The following CNTNAP2 variants were observed in gnomAD, a reference collection of about 807,000 sequenced individuals.
CNTNAP2 encodes contactin associated protein 2.
Under a neutral mutation model 155.2 loss-of-function variants are expected in CNTNAP2, and 98 were observed. That is an observed-to-expected ratio of 0.63 (90% confidence interval 0.54 to 0.75). The LOEUF (loss-of-function observed/expected upper bound fraction) is 0.75. Among genes scored for constraint, CNTNAP2 ranks in the 30% least tolerant of loss-of-function variants. The probability of loss-of-function intolerance (pLI) is 0.00; values close to 1 mark genes in which losing one functional copy is unlikely to be tolerated. For synonymous variants in CNTNAP2, 651 were observed against 631.2 expected (o/e 1.03, Z -0.47); for missense variants, 1,727 against 1,688.1 (o/e 1.02, Z -0.40).
chr7:148,412,336 A>G (rs543864949), intron 23 of CNTNAP2, among the ~76,000 whole-genome samples: 9 of 152,382 alleles, frequency 5.9e-5, no homozygotes, highest in East Asian at 1.9e-4. Flanking sequence ...GCACTTTGAG[A>G]GGCCAAGACA....
intron 23 of CNTNAP2, among the ~76,000 whole-genome samples, chr7:148,411,071 C>T (rs1242842153): frequency 6.6e-6 from 1 of 152,022 alleles, no homozygotes; most frequent in Non-Finnish European, 1.5e-5. Context: ...TAAAATATTC[C>T]AGTGTTTTCT....
At chr7:147,339,415 T>C (rs1463437262) in intron 9 of CNTNAP2, among the ~76,000 whole-genome samples, 1 of 152,120 alleles carries the variant, frequency 6.6e-6, no homozygotes, top group Non-Finnish European at 1.5e-5. Context: ...TCTTTGTGTA[T>C]GTCAGCTCCT....
At chr7:147,698,722 A>G (rs1381683744) in intron 13 of CNTNAP2, among the ~76,000 whole-genome samples, 1 of 152,116 alleles carries the variant, frequency 6.6e-6, no homozygotes, top group African/African-American at 2.4e-5. Context: ...CACCACACTC[A>G]GCTAATTTTT....
At chr7:147,132,622 C>A in intron 8 of CNTNAP2, 113 bp downstream of exon 8, 1 of 1,391,680 alleles carries the variant, frequency 7.2e-7, no homozygotes. Context: ...GGTTTTAATT[C>A]AGATCTTCAA....
chr7:147,161,830 G>A (rs575301242), intron 8 of CNTNAP2: 1 of 152,254 alleles, frequency 6.6e-6, no homozygotes, highest in Non-Finnish European at 1.5e-5. Context: ...TATGTGATGA[G>A]CATTCATTCC....
chr7:147,679,300 T>G (rs1336345638), intron 13 of CNTNAP2, among the ~76,000 whole-genome samples: 5 of 151,906 alleles, frequency 3.3e-5, no homozygotes, highest in Non-Finnish European at 7.4e-5. Context: ...GAACATCCAT[T>G]TCTATAATAT....
intron 21 of CNTNAP2, among the ~76,000 whole-genome samples, chr7:148,347,214 AC>A (rs1345952577): frequency 6.6e-6 from 1 of 151,650 alleles, no homozygotes; most frequent in Non-Finnish European, 1.5e-5. Context: ...CTGAGATTGC[AC>A]CACTACACTT....
At chr7:146,753,969 A>G (rs1401462633) in intron 1 of CNTNAP2, among the ~76,000 whole-genome samples, 2 of 152,020 alleles carry the variant, frequency 1.3e-5, no homozygotes, top group Admixed American at 6.6e-5. Context: ...AATCCCAGCT[A>G]TTTCTACATC....
At chr7:146,717,197 A>G (rs1801203989) in intron 1 of CNTNAP2, among the ~76,000 whole-genome samples, 1 of 152,148 alleles carries the variant, frequency 6.6e-6, no homozygotes, top group Non-Finnish European at 1.5e-5. Context: ...AAAGATGCAG[A>G]GAGCTGTTTG....
At chr7:147,652,691 A>G (rs1795465707) in intron 13 of CNTNAP2, among the ~76,000 whole-genome samples, 2 of 151,928 alleles carry the variant, frequency 1.3e-5, no homozygotes, top group Non-Finnish European at 2.9e-5. Flanking sequence ...GACTCTATAT[A>G]TTTTCTACCT....
At chr7:148,059,934 G>T (rs575648286) in intron 15 of CNTNAP2, among the ~76,000 whole-genome samples, 1 of 152,070 alleles carries the variant, frequency 6.6e-6, no homozygotes, top group African/African-American at 2.4e-5. Context: ...GTAAGGTAAG[G>T]TTCTACATAA....
At chr7:147,235,659 A>T (rs1803784873) in intron 8 of CNTNAP2, among the ~76,000 whole-genome samples, 1 of 152,126 alleles carries the variant, frequency 6.6e-6, no homozygotes, top group African/African-American at 2.4e-5. Context: ...ACTGAAGCCC[A>T]CATTGTTCCA....
chr7:147,480,050 T>C (rs1798394607), intron 10 of CNTNAP2, among the ~76,000 whole-genome samples: 1 of 152,154 alleles, frequency 6.6e-6, no homozygotes, highest in South Asian at 2.1e-4. Context: ...TACTCAAATA[T>C]TGTTGAGATC....
chr7:147,304,754 A>G (rs1225804277), intron 9 of CNTNAP2, among the ~76,000 whole-genome samples: 1 of 152,222 alleles, frequency 6.6e-6, no homozygotes, highest in Non-Finnish European at 1.5e-5. Context: ...CCAGCTCACC[A>G]GTACATAACT....
At chr7:146,561,531 C>A (rs1229274044) in intron 1 of CNTNAP2, among the ~76,000 whole-genome samples, 3 of 152,080 alleles carry the variant, frequency 2.0e-5, no homozygotes, top group Non-Finnish European at 4.4e-5. Flanking sequence ...TGGTGGCACA[C>A]ACCTATAGTC....
At chr7:146,856,596 G>C (rs996828848) in intron 3 of CNTNAP2, among the ~76,000 whole-genome samples, 2 of 152,106 alleles carry the variant, frequency 1.3e-5, no homozygotes. Context: ...CTTATTAGTT[G>C]CAAGGGAAAT....
chr7:147,317,225 G>A (rs1446010198), intron 9 of CNTNAP2, among the ~76,000 whole-genome samples: 2 of 152,258 alleles, frequency 1.3e-5, no homozygotes, highest in Non-Finnish European at 2.9e-5. Context: ...ATCCACTGAC[G>A]GTTTCAGTCC....
intron 9 of CNTNAP2, among the ~76,000 whole-genome samples, chr7:147,374,824 C>T (rs535411453): frequency 2.0e-5 from 3 of 152,088 alleles, no homozygotes; most frequent in Admixed American, 1.3e-4. Context: ...TAGCAGTGAG[C>T]GTTACTGGGT....
chr7:146,903,304 C>A (rs1796044302), intron 3 of CNTNAP2, among the ~76,000 whole-genome samples: 1 of 152,196 alleles, frequency 6.6e-6, no homozygotes, highest in South Asian at 2.1e-4. Flanking sequence ...CTGTAAACAC[C>A]ATTACTATGC....
Sources: gnomAD v4.1 joint callset for allele counts (sites outside exome capture counted in the v4.1 genomes callset) on GRCh38, gnomAD v4.1.1 for gene constraint, MANE v1.5 for transcripts, NCBI Gene and HGNC (gene_info 2026-07-23, HGNC 2026-07-21) for gene names.